The following ANK2 variants were observed in gnomAD, a reference collection of about 807,000 sequenced individuals.
The protein encoded by ANK2 is ankyrin 2, also known as ankyrin-2.
In ANK2, 83 loss-of-function variants were observed where a neutral mutation model predicts 360.5. The observed-to-expected ratio is 0.23, with a 90% CI of 0.19 to 0.28. The LOEUF is 0.28. Ranked by LOEUF, ANK2 falls within the 10% of genes least tolerant of loss-of-function variation. The probability of loss-of-function intolerance (pLI) is 1.00; values close to 1 mark genes in which losing one functional copy is unlikely to be tolerated. For missense variants in ANK2, 4,201 were observed against 4,795.7 expected, an observed-to-expected ratio of 0.88 and a Z score of 3.66; for synonymous variants, 1,740 against 1,759.5, an observed-to-expected ratio of 0.99 and a Z score of 0.28.
upstream of ANK2, among the ~76,000 whole-genome samples, chr4:113,045,228 A>C (rs563585879): frequency 6.6e-6 from 1 of 152,338 alleles, no homozygotes; most frequent in South Asian, 2.1e-4. Context: ...TGAAAATTAG[A>C]ATAATCACCT....
intron 1 of ANK2, among the ~76,000 whole-genome samples, chr4:113,132,592 G>A (rs2096119486): frequency 1.3e-5 from 2 of 152,248 alleles, no homozygotes; most frequent in Middle Eastern, 3.4e-3. Flanking sequence ...CGGAGCCCAT[G>A]AGATAGATGG....
At chr4:112,989,750 T>C (rs2046121905) in intron 2 of ANK2, among the ~76,000 whole-genome samples, 1 of 152,220 alleles carries the variant, frequency 6.6e-6, no homozygotes, top group Non-Finnish European at 1.5e-5. Context: ...ATAAATGGTA[T>C]GTAAGCCAAT....
chr4:112,813,894 G>A (rs2055469065), upstream of ANK2, among the ~76,000 whole-genome samples: 1 of 152,190 alleles, frequency 6.6e-6, no homozygotes, highest in African/African-American at 2.4e-5. Flanking sequence ...TGAATGAGTC[G>A]TCCAGGTTAG....
At chr4:113,110,817 G>A (rs2094210242) in intron 1 of ANK2, among the ~76,000 whole-genome samples, 1 of 152,100 alleles carries the variant, frequency 6.6e-6, no homozygotes, top group Admixed American at 6.6e-5. Context: ...TGCTGAAAGT[G>A]TTTATGTTTG....
intron 1 of ANK2, among the ~76,000 whole-genome samples, chr4:112,903,659 C>T (rs1306402175): frequency 6.6e-6 from 1 of 152,156 alleles, no homozygotes; most frequent in Non-Finnish European, 1.5e-5. Context: ...GTTAGCATAA[C>T]CTGATGTAAT....
At chr4:113,271,676 G>A (rs2058595450) in intron 14 of ANK2, among the ~76,000 whole-genome samples, 1 of 152,196 alleles carries the variant, frequency 6.6e-6, no homozygotes, top group Non-Finnish European at 1.5e-5. Context: ...ATGGGTCTAA[G>A]TCATATGTTT....
chr4:113,053,938 G>A (rs2068323432), intron 1 of ANK2, among the ~76,000 whole-genome samples: 2 of 152,096 alleles, frequency 1.3e-5, no homozygotes, highest in South Asian at 4.1e-4. Context: ...AATAATCCAA[G>A]ACCATATTTT....
intron 1 of ANK2, among the ~76,000 whole-genome samples, chr4:113,118,055 A>C (rs2095004111): frequency 6.6e-6 from 1 of 152,162 alleles, no homozygotes; most frequent in African/African-American, 2.4e-5. Context: ...TGGCAATGAA[A>C]TCAAAACAAC....
chr4:113,111,296 G>A lies in ANK2; in HGVS notation c.84+61484G>A, dbSNP rs1003894910. On this transcript the variant is annotated intron_variant, in intron 1 of 45. Coordinates refer to ENST00000357077, the MANE Select transcript of ANK2 (RefSeq NM_001148.6). Reference sequence around the variant, plus strand: ...ACACTGTATAAATGTAAAACTTACAGGTATTGATCAAACTTACCAATAAAA... The same window carrying A: ...ACACTGTATAAATGTAAAACTTACAAGTATTGATCAAACTTACCAATAAAA... Among the ~76,000 whole-genome samples the A allele has an allele frequency of 3.1e-4, 47 of 152,184 alleles. 1 individual carries two copies. Among genetic ancestry groups the A allele is most frequent in the Middle Eastern group, 3.4e-3 (1 of 294 alleles).
At chr4:113,311,705 T>C (rs1222538776) in intron 24 of ANK2, among the ~76,000 whole-genome samples, 2 of 152,196 alleles carry the variant, frequency 1.3e-5, no homozygotes. Context: ...GGCCACTTTT[T>C]CCTCAAATTA....
chr4:113,336,468 T>A (rs1003171510), intron 30 of ANK2, 109 bp from the exon 31 acceptor site: 2 of 1,094,294 alleles, frequency 1.8e-6, no homozygotes, highest in Non-Finnish European at 2.5e-6. Flanking sequence ...AACTTATTTG[T>A]AAGATAAAAA....
At chr4:113,160,372 G>C (rs2097483913) in intron 1 of ANK2, 1 of 414,414 alleles carries the variant, frequency 2.4e-6, no homozygotes. Flanking sequence ...AGCGGGTAAA[G>C]GAAACTTTGA....
intron 2 of ANK2, among the ~76,000 whole-genome samples, chr4:112,941,403 G>A (rs867818328): frequency 2.4e-4 from 35 of 143,658 alleles, no homozygotes; most frequent in African/African-American, 7.8e-4. Flanking sequence ...TGAACTATAT[G>A]AACCTAATTA....
chr4:112,848,728 T>A (rs1229255055), intron 1 of ANK2, among the ~76,000 whole-genome samples: 1 of 152,238 alleles, frequency 6.6e-6, no homozygotes, highest in Non-Finnish European at 1.5e-5. Flanking sequence ...GAGTCTTGAC[T>A]TACTCACCTT....
intron 9 of ANK2, among the ~76,000 whole-genome samples, chr4:113,245,807 A>T (rs72898074): frequency 0.017 from 2,539 of 147,164 alleles, 68 homozygotes; most frequent in African/African-American, 0.059. Context: ...ACATATGAAA[A>T]TTTTTTTTTT....
chr4:112,786,220 G>A, the ANK2 span, among the ~76,000 whole-genome samples: 5 of 148,322 alleles, frequency 3.4e-5, no homozygotes, highest in African/African-American at 1.3e-4. Context: ...TCTACTTCCT[G>A]CTGACAGGTT....
At chr4:113,311,455 T>TATG in intron 24 of ANK2, 56 bp downstream of exon 24, 1 of 1,595,582 alleles carries the variant, frequency 6.3e-7, no homozygotes, top group Non-Finnish European at 8.6e-7. Context: ...ACATATTTTT[T>TATG]ATGATGATGA....
chr4:112,963,657 G>T (rs928273514), intron 2 of ANK2, among the ~76,000 whole-genome samples: 3 of 151,924 alleles, frequency 2.0e-5, no homozygotes, highest in Admixed American at 6.6e-5. Flanking sequence ...TATAAAATGG[G>T]AATAATAAAG....
chr4:113,316,365 T>C (rs552676539), intron 24 of ANK2, among the ~76,000 whole-genome samples: 1 of 152,308 alleles, frequency 6.6e-6, no homozygotes, highest in Non-Finnish European at 1.5e-5. Flanking sequence ...AAGGAGAAGG[T>C]CCTGGATTAC....
Sources: gnomAD v4.1 joint callset for allele counts (sites outside exome capture counted in the v4.1 genomes callset) on GRCh38, gnomAD v4.1.1 for gene constraint, MANE v1.5 for transcripts, NCBI Gene and HGNC (gene_info 2026-07-23, HGNC 2026-07-21) for gene names.